KIAA1958: variants seen among roughly 807,000 people sequenced by gnomAD.
KIAA1958 encodes the protein uncharacterized protein KIAA1958.
Under a neutral mutation model 47.2 loss-of-function variants are expected in KIAA1958, and 14 were observed. The ratio of observed to expected loss-of-function variants is 0.30; its 90% CI spans 0.20 to 0.46. The LOEUF (loss-of-function observed/expected upper bound fraction) is 0.46, where lower values mean the gene tolerates loss of function less well. KIAA1958 is among the 20% of genes least tolerant of loss of function. The pLI is 1.00. For synonymous variants in KIAA1958, 354 were observed against 353.3 expected (o/e 1.00, Z -0.02); for missense variants, 803 against 909.2 (o/e 0.88, Z 1.50).
intron 1 of KIAA1958, among the ~76,000 whole-genome samples, chr9:112,572,062 T>C (rs970160734): frequency 1.1e-4 from 16 of 152,098 alleles, no homozygotes; most frequent in Non-Finnish European, 1.5e-4. Flanking sequence ...AGTTCCAGGC[T>C]TGGGATTTCA....
rs896392293 is a variant in KIAA1958 at position 112,664,916 on chromosome 9, T to A, written c.*4847T>A. 4 of 152,172 alleles carry A rather than the reference T, an allele frequency of 2.6e-5. No individual in the cohort carries two copies. The highest frequency in any genetic ancestry group is 9.7e-5 in the African/African-American group (4 of 41,438). The allele number at this position is 152,172 out of a possible 1,614,324, so 9.4% of individuals were successfully genotyped here. A position where few individuals can be genotyped will look rare whatever the true frequency, so the allele number is the denominator to read the frequency against. On this transcript the variant is annotated 3_prime_UTR_variant, in exon 4 of 4. Transcript: ENST00000337530. ...AAGGCTGTCCACGCTTCAGGCAAAGTTTACCCATTATTATTATGATTTTGA... is the reference window on the plus strand; with the variant it reads ...AAGGCTGTCCACGCTTCAGGCAAAGATTACCCATTATTATTATGATTTTGA...
chr9:112,541,617 A>G (rs931548168), intron 1 of KIAA1958, among the ~76,000 whole-genome samples: 3 of 152,152 alleles, frequency 2.0e-5, no homozygotes, highest in African/African-American at 7.2e-5. Flanking sequence ...CAGCCCGTCC[A>G]ACATGGTGAA....
intron 1 of KIAA1958, among the ~76,000 whole-genome samples, chr9:112,550,865 GAC>G (rs1440810367): frequency 4.6e-5 from 7 of 152,310 alleles, no homozygotes; most frequent in African/African-American, 1.7e-4. Flanking sequence ...TCAGAGGTCA[GAC>G]AGGTACAGTG....
At chr9:112,488,155 A>C (rs1362507435) in intron 1 of KIAA1958, among the ~76,000 whole-genome samples, 2 of 152,004 alleles carry the variant, frequency 1.3e-5, no homozygotes, top group African/African-American at 4.8e-5. Flanking sequence ...TGAAGCCTTT[A>C]TTTCTGCTGA....
intron 2 of KIAA1958, among the ~76,000 whole-genome samples, chr9:112,604,356 TTAACCTAAAAC>T (rs1836188172): frequency 6.6e-6 from 1 of 152,220 alleles, no homozygotes; most frequent in Non-Finnish European, 1.5e-5. Flanking sequence ...TTAGAAGTCA[TTAACCTAAAAC>T]TTTTCGATCT....
rs143373476 is a variant in KIAA1958 at position 112,587,700 on chromosome 9, A to G, written c.1171+12449A>G. 7.1e-4 allele frequency among the ~76,000 whole-genome samples: 108 copies of G among 152,194 alleles called. 1 individual carries two copies. Among genetic ancestry groups the G allele is most frequent in the African/African-American group, 2.6e-3 (106 of 41,518 alleles). ...GAAAGCATTTTTATTGCCTTTTTCA[A>G]TTTTCTTTATTTTTGTCATGGTAAT... On this transcript the variant is annotated intron_variant, in intron 2 of 3. Transcript: ENST00000337530.
intron 1 of KIAA1958, among the ~76,000 whole-genome samples, chr9:112,563,043 TTCTC>T (rs1023666527): frequency 7.6e-6 from 1 of 131,980 alleles, no homozygotes; most frequent in South Asian, 2.5e-4. Flanking sequence ...CTCTCTCTCT[TTCTC>T]TCTCTCTCTC....
chr9:112,586,376 A>C (rs1835822456), intron 2 of KIAA1958, among the ~76,000 whole-genome samples: 1 of 152,220 alleles, frequency 6.6e-6, no homozygotes, highest in Non-Finnish European at 1.5e-5. Context: ...TTTGTGGACT[A>C]GTGACCTTCT....
At chr9:112,526,004 T>TCCTCTTCCTCTTCCTCTTCCTCTTCCTC (rs1292618800) in intron 1 of KIAA1958, among the ~76,000 whole-genome samples, 1 of 998 alleles carries the variant, frequency 1.0e-3, no homozygotes, top group Non-Finnish European at 2.0e-3. Flanking sequence ...TTCTTCTTTT[T>TCCTCTTCCTCTTCCTCTTCCTCTTCCTC]TTTTTTAAAG....
At chr9:112,545,825 G>GTGTTTT (rs60211721) in intron 1 of KIAA1958, among the ~76,000 whole-genome samples, 1,351 of 92,854 alleles carry the variant, frequency 0.015, 98 homozygotes, top group Non-Finnish European at 0.02. Context: ...AGGTTTCTTT[G>GTGTTTT]TTTTTTTTTT....
intron 3 of KIAA1958, among the ~76,000 whole-genome samples, chr9:112,650,395 GA>G (rs532175032): frequency 7.1e-4 from 108 of 152,050 alleles, no homozygotes; most frequent in Non-Finnish European, 1.5e-3. Flanking sequence ...ATATATGGAG[GA>G]AAAAATGCAT....
chr9:112,665,083 ATAC>A lies in KIAA1958; in HGVS notation c.*5015_*5017del. ...ATATGGAAGTTAATTATTTCAGGAA[ATAC>A]ATAATAAGACCAAAAAAATCACTGG... On this transcript the variant is annotated 3_prime_UTR_variant, in exon 4 of 4. Coordinates refer to ENST00000337530, the MANE Select transcript of KIAA1958 (RefSeq NM_133465.4). 1 of 127,742 alleles carries A rather than the reference ATAC, an allele frequency of 7.8e-6. No individual in the cohort carries two copies. Among genetic ancestry groups the A allele is most frequent in the Non-Finnish European group, 1.9e-5 (1 of 52,424 alleles). The allele number at this position is 127,742 out of a possible 1,614,324, so 7.9% of individuals were successfully genotyped here.
chr9:112,572,519 C>CA, intron 1 of KIAA1958, among the ~76,000 whole-genome samples: 1 of 152,232 alleles, frequency 6.6e-6, no homozygotes, highest in Middle Eastern at 3.4e-3. Context: ...TCAATGATAA[C>CA]AGTACAGCAA....
Position 112,574,059 on chromosome 9 carries a change from G to A in KIAA1958, c.-22G>A, listed in dbSNP as rs748782585. On this transcript the variant is annotated splice_region_variant and 5_prime_UTR_variant, in exon 2 of 4. It adds an upstream start codon to the 5' untranslated region. Coordinates refer to ENST00000337530, the MANE Select transcript of KIAA1958 (RefSeq NM_133465.4). Reference sequence around the variant, plus strand: ...TTCTTTTGATTATTTCCCTTTAGGAGTGACACTGCTGATCCTGTAACATGG... The same window carrying A: ...TTCTTTTGATTATTTCCCTTTAGGAATGACACTGCTGATCCTGTAACATGG... 1 of 1,472,790 alleles carries A rather than the reference G, an allele frequency of 6.8e-7. No individual in the cohort carries two copies. Among genetic ancestry groups the A allele is most frequent in the Non-Finnish European group, 9.2e-7 (1 of 1,081,124 alleles). 91.2% of individuals were successfully genotyped at this position (1,472,790 alleles called of 1,614,324 possible). A position where few individuals can be genotyped will look rare whatever the true frequency, so the allele number is the denominator to read the frequency against.
chr9:112,492,702 T>G (rs1378619526), intron 1 of KIAA1958, among the ~76,000 whole-genome samples: 1 of 152,236 alleles, frequency 6.6e-6, no homozygotes, highest in Non-Finnish European at 1.5e-5. Flanking sequence ...TCACTCTTCA[T>G]ATTCATTGTT....
intron 1 of KIAA1958, among the ~76,000 whole-genome samples, chr9:112,530,005 A>T (rs1421238048): frequency 1.3e-5 from 2 of 151,954 alleles, no homozygotes; most frequent in Admixed American, 6.6e-5. Context: ...CACCACGCCC[A>T]GCTAATTTTT....
intron 1 of KIAA1958, among the ~76,000 whole-genome samples, chr9:112,518,723 G>A (rs1472020992): frequency 6.6e-6 from 1 of 152,062 alleles, no homozygotes; most frequent in Non-Finnish European, 1.5e-5. Context: ...GCAATTCATT[G>A]TATTTCAATT....
chr9:112,522,603 G>A (rs1026937267), intron 1 of KIAA1958, among the ~76,000 whole-genome samples: 1 of 152,088 alleles, frequency 6.6e-6, no homozygotes, highest in South Asian at 2.1e-4. Context: ...TGATATATGT[G>A]ATCATTCTCA....
intron 1 of KIAA1958, among the ~76,000 whole-genome samples, chr9:112,561,984 A>G (rs1835339461): frequency 6.6e-6 from 1 of 152,230 alleles, no homozygotes; most frequent in South Asian, 2.1e-4. Flanking sequence ...ATGTCTGGGT[A>G]AATGAGCCTT....
Sources: allele counts gnomAD v4.1 joint callset (sites outside exome capture counted in the v4.1 genomes callset), GRCh38; gene constraint gnomAD v4.1.1; transcripts MANE v1.5; gene names NCBI Gene and HGNC (gene_info 2026-07-23, HGNC 2026-07-21).